The following CD40 variants were observed in gnomAD, a reference collection of about 807,000 sequenced individuals.
CD40 encodes tumor necrosis factor receptor superfamily member 5.
In CD40, 19 loss-of-function variants were observed where a neutral mutation model predicts 38.5. The ratio of observed to expected loss-of-function variants is 0.49; its 90% CI spans 0.34 to 0.72. The LOEUF (loss-of-function observed/expected upper bound fraction) is 0.72, where lower values mean the gene tolerates loss of function less well. Among genes scored for constraint, CD40 ranks in the 30% least tolerant of loss-of-function variants. The pLI is 0.01. For synonymous variants in CD40, 130 were observed against 128.7 expected, an observed-to-expected ratio of 1.01 and a Z score of -0.07; for missense variants, 256 against 344.1, an observed-to-expected ratio of 0.74 and a Z score of 2.03.
At chr20:46,121,785 C>A (rs11569315) in intron 1 of CD40, 35 bp from the exon 2 acceptor site, 4 of 1,532,226 alleles carry the variant, frequency 2.6e-6, no homozygotes, top group African/African-American at 1.4e-5. Flanking sequence ...ACGGAGATTT[C>A]AAGATCCCTT....
intron 8 of CD40, 174 bp downstream of exon 8, chr20:46,128,532 TCC>T: frequency 1.3e-6 from 1 of 771,896 alleles, no homozygotes; most frequent in Non-Finnish European, 2.2e-6. Flanking sequence ...CAGAGCTCAA[TCC>T]CCCACAGAAC....
chr20:46,123,438 G>A (rs546322623), intron 5 of CD40, among the ~76,000 whole-genome samples: 8 of 152,226 alleles, frequency 5.3e-5, no homozygotes, highest in South Asian at 2.1e-4. Context: ...TTGATCTCTC[G>A]CTTCATGAGA....
intron 1 of CD40, among the ~76,000 whole-genome samples, chr20:46,119,340 A>T (rs568752083): frequency 1.3e-5 from 2 of 152,330 alleles, no homozygotes; most frequent in East Asian, 3.9e-4. Context: ...GACCCATGGT[A>T]TCAAGGAAAG....
At chr20:46,127,903 G>A in intron 6 of CD40, 2 of 722,712 alleles carry the variant, frequency 2.8e-6, no homozygotes, top group Non-Finnish European at 2.2e-6. Context: ...GTCTAGGTTT[G>A]AATATGTGAT....
Position 46,128,956 on chromosome 20 carries a change from A to G in CD40, c.750A>G (p.Pro250=), listed in dbSNP as rs376780996. Residue 250 remains proline, a synonymous_variant, in exon 9 of 9, where the codon CCA becomes CCG. Transcript: ENST00000372285. ...TTCCTGGCTCCAACACTGCTGCTCC[A>G]GTGCAGGAGACTTTACATGGATGCC... ...DDLPGSNTAA[P]VQETLHGCQP... The G allele has an allele frequency of 1.5e-4, 243 of 1,614,128 alleles. No homozygotes were observed. Among genetic ancestry groups the G allele is most frequent in the Non-Finnish European group, 1.8e-4 (211 of 1,180,042 alleles).
intron 5 of CD40, among the ~76,000 whole-genome samples, chr20:46,126,145 G>A (rs1401388916): frequency 6.6e-6 from 1 of 152,208 alleles, no homozygotes; most frequent in Admixed American, 6.5e-5. Flanking sequence ...GGATGCTACA[G>A]GGATCTGGCG....
intron 1 of CD40, among the ~76,000 whole-genome samples, chr20:46,119,628 A>G (rs1015810108): frequency 2.6e-5 from 4 of 152,108 alleles, no homozygotes; most frequent in African/African-American, 9.7e-5. Context: ...GTCAGAAGCT[A>G]TCTATTGAGG....
chr20:46,127,986 C>T, intron 6 of CD40, 152 bp from the exon 7 acceptor site: 2 of 1,473,512 alleles, frequency 1.4e-6, no homozygotes, highest in South Asian at 2.5e-5. Flanking sequence ...AAGACATCTG[C>T]CAGCCACATT....
At chr20:46,126,374 G>C (rs1267354623) in intron 5 of CD40, among the ~76,000 whole-genome samples, 1 of 152,160 alleles carries the variant, frequency 6.6e-6, no homozygotes, top group East Asian at 1.9e-4. Context: ...AGATCACAAA[G>C]CTTGGCACTC....
Position 46,122,617 on chromosome 20 carries a change from G to A in CD40, c.264G>A (p.Gly88=). The A allele has an allele frequency of 6.2e-7, 1 of 1,614,126 alleles. No homozygotes were observed. The highest frequency in any genetic ancestry group is 1.1e-5 in the South Asian group (1 of 91,080). The change falls in exon 4 of 9, where the codon GGG becomes GGA. Residue 88 remains glycine, a synonymous_variant. Transcript: ENST00000372285. The surrounding 1 kb of genome is among the most constrained non-coding windows in gnomAD (Gnocchi z 5.0). ...CTGCCCTTCTCTTCTCAGACCTAGG[G>A]CTTCGGGTCCAGCAGAAGGGCACCT... The part of the protein sequence containing the change: ...HQHKYCDPNL[G]LRVQQKGTSE...
intron 5 of CD40, among the ~76,000 whole-genome samples, chr20:46,123,447 G>A (rs181990630): frequency 7.9e-5 from 12 of 152,306 alleles, no homozygotes; most frequent in Non-Finnish European, 1.5e-4. Context: ...CGCTTCATGA[G>A]AGCCTCCTAT....
chr20:46,128,507 C>T, intron 8 of CD40, 149 bp downstream of exon 8: 1 of 849,184 alleles, frequency 1.2e-6, no homozygotes, highest in Non-Finnish European at 2.0e-6. Flanking sequence ...CCCCACCCAC[C>T]ATGCTCCTTC....
chr20:46,121,222 G>A lies in CD40; in HGVS notation c.52-598G>A, dbSNP rs553683582. 1.4e-4 allele frequency among the ~76,000 whole-genome samples: 21 copies of A among 152,286 alleles called. 1 individual carries two copies. The South Asian group carries it at 4.3e-3, about 32-fold the overall frequency. ...GGACTCTGTCACTGTGAGACTCTGG[G>A]CAAGTGACCCTCCTCTTTGGTGCTC... On this transcript the variant is annotated intron_variant, in intron 1 of 8. Transcript: ENST00000372285.
rs193080413 is a variant in CD40 at position 46,128,103 on chromosome 20, G to A, written c.560-35G>A. ...GGTTGAGGGTAGGGAGAAACTGCAG[G>A]TGAGGGGTGCATGCTGAAGTCCTGA... On this transcript the variant is annotated intron_variant, in intron 6 of 8. Coordinates refer to ENST00000372285, the MANE Select transcript of CD40 (RefSeq NM_001250.6). The A allele has an allele frequency of 5.1e-4, 822 of 1,614,094 alleles. 6 individuals carry two copies. In the African/African-American group the frequency reaches 9.6e-3, roughly 19 times the overall value.
At chr20:46,120,504 T>C (rs922170206) in intron 1 of CD40, among the ~76,000 whole-genome samples, 5 of 152,266 alleles carry the variant, frequency 3.3e-5, no homozygotes, top group Non-Finnish European at 5.9e-5. Context: ...ACACTTACTT[T>C]ACAGTTCTTT....
At chr20:46,125,381 T>C (rs1004563027) in intron 5 of CD40, among the ~76,000 whole-genome samples, 3 of 151,104 alleles carry the variant, frequency 2.0e-5, no homozygotes, top group African/African-American at 7.3e-5. Context: ...CTGTCTCTAC[T>C]AAAAATACAA....
chr20:46,124,733 G>A (rs1400949119), intron 5 of CD40, among the ~76,000 whole-genome samples: 4 of 144,258 alleles, frequency 2.8e-5, no homozygotes, highest in Non-Finnish European at 6.0e-5. Flanking sequence ...ACTGATAACT[G>A]GAGGCACCAC....
chr20:46,121,728 C>A (rs897962590), intron 1 of CD40, 92 bp from the exon 2 acceptor site: 19 of 943,454 alleles, frequency 2.0e-5, no homozygotes, highest in Non-Finnish European at 3.2e-5. Flanking sequence ...CTTCAGTTTG[C>A]AGCCTCTGTC....
In CD40 at chr20:46,122,342, C is replaced by G; in HGVS notation, c.240C>G (p.His80Gln). Residue 80 changes from histidine to glutamine, a missense_variant, in exon 3 of 9, where the codon CAC becomes CAG. Coordinates refer to ENST00000372285, the MANE Select transcript of CD40 (RefSeq NM_001250.6). The surrounding 1 kb of genome is among the most constrained non-coding windows in gnomAD (Gnocchi z 5.0). The part of the protein sequence containing the change: ...TWNRETHCHQ[H>Q]KYCDPNLGLR... ...ACAGAGAGACACACTGCCACCAGCA[C>G]AAATACTGCGACCCCAGTGCGTGCG... 6.2e-7 allele frequency: 1 copy of G among 1,614,192 alleles called. No individual in the cohort carries two copies. Among genetic ancestry groups the G allele is most frequent in the Non-Finnish European group, 8.5e-7 (1 of 1,180,034 alleles).
Sources: allele counts gnomAD v4.1 joint callset (sites outside exome capture counted in the v4.1 genomes callset), GRCh38; gene constraint gnomAD v4.1.1; non-coding constraint Gnocchi (gnomAD v3.1); transcripts MANE v1.5; gene names NCBI Gene and HGNC (gene_info 2026-07-23, HGNC 2026-07-21).